The following ARHGEF3 variants were observed in gnomAD, a reference collection of about 807,000 sequenced individuals.
ARHGEF3 encodes the protein Rho guanine nucleotide exchange factor 3, also known as 59.8 kDA protein.
A neutral mutation model predicts 63.2 loss-of-function variants in ARHGEF3; 28 were observed. The observed-to-expected ratio is 0.44, with a 90% CI of 0.33 to 0.61. The LOEUF (loss-of-function observed/expected upper bound fraction) is 0.61, where lower values mean the gene tolerates loss of function less well. ARHGEF3 is among the 20% of genes least tolerant of loss of function. The pLI is 0.03. For synonymous variants in ARHGEF3, 266 were observed against 254.2 expected, an observed-to-expected ratio of 1.05 and a Z score of -0.44; for missense variants, 533 against 659.3, an observed-to-expected ratio of 0.81 and a Z score of 2.10.
intron 1 of ARHGEF3, among the ~76,000 whole-genome samples, chr3:57,066,469 G>C (rs1313702939): frequency 6.6e-6 from 1 of 152,126 alleles, no homozygotes; most frequent in African/African-American, 2.4e-5. Context: ...CACCATGTTG[G>C]CTAGGCTGGT....
chr3:56,764,007 A>G (rs573660393), intron 2 of ARHGEF3, among the ~76,000 whole-genome samples: 1 of 152,346 alleles, frequency 6.6e-6, no homozygotes, highest in South Asian at 2.1e-4. Context: ...GAAATGGTGC[A>G]ATAAACATAA....
chr3:56,781,895 AGTGTCAG>A (rs1301345609), intron 1 of ARHGEF3, among the ~76,000 whole-genome samples: 1 of 152,170 alleles, frequency 6.6e-6, no homozygotes, highest in Admixed American at 6.5e-5. Context: ...CAAGAGAGTC[AGTGTCAG>A]GTGGAGCTGG....
intron 2 of ARHGEF3, among the ~76,000 whole-genome samples, chr3:57,009,424 C>T (rs1702594499): frequency 1.3e-5 from 2 of 152,190 alleles, no homozygotes; most frequent in African/African-American, 4.8e-5. Flanking sequence ...GCACAACCCG[C>T]CACCCCTTAT....
chr3:57,050,968 A>G (rs1470264502), intron 1 of ARHGEF3, among the ~76,000 whole-genome samples: 1 of 152,238 alleles, frequency 6.6e-6, no homozygotes, highest in Non-Finnish European at 1.5e-5. Context: ...GAATTATGGC[A>G]GACAAGTCCA....
At chr3:57,042,681 TATATATATATATATATATA>T (rs1442072633) in intron 1 of ARHGEF3, among the ~76,000 whole-genome samples, 747 of 35,680 alleles carry the variant, frequency 0.021, 41 homozygotes, top group South Asian at 0.028. Context: ...TATATATATA[TATATATATATATATATATA>T]TTTTTTTTTT....
At position 56,867,104 on chromosome 3, in the gene ARHGEF3, T is replaced by G. The variant is rs535346007; in HGVS notation, c.192+15188A>C. ...TTTTCCTTTTGTTGTACTGGTTTTC[T>G]TTAAAAATGAGGGAAGGCAAATATG... On this transcript the variant is annotated intron_variant, in intron 4 of 12. Coordinates refer to the ARHGEF3 transcript ENST00000338458. 3.3e-5 allele frequency among the ~76,000 whole-genome samples: 5 copies of G among 152,366 alleles called. No individual in the cohort carries two copies. In the East Asian group the frequency reaches 9.6e-4, roughly 29 times the overall value.
At chr3:56,942,336 T>C (rs1699229411) in intron 3 of ARHGEF3, among the ~76,000 whole-genome samples, 1 of 152,220 alleles carries the variant, frequency 6.6e-6, no homozygotes, top group African/African-American at 2.4e-5. Context: ...CACTCAAAAT[T>C]CAATAGTTCA....
chr3:56,937,568 G>T (rs2108410307), intron 3 of ARHGEF3, among the ~76,000 whole-genome samples: 1 of 152,288 alleles, frequency 6.6e-6, no homozygotes, highest in Admixed American at 6.5e-5. Flanking sequence ...TAAGAATCAT[G>T]GAAACCATGT....
chr3:57,045,009 G>A (rs1212037530), intron 1 of ARHGEF3, among the ~76,000 whole-genome samples: 1 of 152,226 alleles, frequency 6.6e-6, no homozygotes, highest in Admixed American at 6.5e-5. Context: ...GCTCACACCT[G>A]TAATCCGAGC....
intron 2 of ARHGEF3, among the ~76,000 whole-genome samples, chr3:57,031,765 GGAA>G (rs35868753): frequency 0.26 from 38,954 of 151,892 alleles, 5,407 homozygotes; most frequent in Middle Eastern, 0.33. Context: ...AGGCAGTTTT[GGAA>G]GAAGAAAGGA....
intron 4 of ARHGEF3, among the ~76,000 whole-genome samples, chr3:56,848,808 C>T (rs975342257): frequency 6.6e-6 from 1 of 152,178 alleles, no homozygotes; most frequent in African/African-American, 2.4e-5. Flanking sequence ...GCTGGGATTA[C>T]AGGTGCCCAC....
chr3:56,830,269 T>TATCC (rs2038885059), intron 4 of ARHGEF3, among the ~76,000 whole-genome samples: 1 of 152,050 alleles, frequency 6.6e-6, no homozygotes, highest in South Asian at 2.1e-4. Flanking sequence ...CTGGTGGGGA[T>TATCC]GGTTGGTGCT....
intron 2 of ARHGEF3, among the ~76,000 whole-genome samples, chr3:57,024,451 CA>C (rs200217901): frequency 6.6e-4 from 99 of 150,822 alleles, no homozygotes; most frequent in African/African-American, 2.2e-3. Context: ...TGTAATAAAA[CA>C]AAAAAAAATC....
chr3:56,809,055 C>G (rs748486113), intron 4 of ARHGEF3, among the ~76,000 whole-genome samples: 3 of 152,190 alleles, frequency 2.0e-5, no homozygotes, highest in Admixed American at 6.5e-5. Context: ...TGATTAGTAT[C>G]AAATATCAGC....
At chr3:56,903,123 C>T (rs1306100235) in intron 3 of ARHGEF3, among the ~76,000 whole-genome samples, 3 of 151,906 alleles carry the variant, frequency 2.0e-5, no homozygotes, top group Admixed American at 1.3e-4. Flanking sequence ...CCCAAGTTTC[C>T]TGGTGACAAA....
chr3:56,855,688 A>AG (rs1239860146), intron 4 of ARHGEF3, among the ~76,000 whole-genome samples: 1 of 151,954 alleles, frequency 6.6e-6, no homozygotes, highest in African/African-American at 2.4e-5. Context: ...CAAAAAAAAA[A>AG]AAAAAAGTAC....
chr3:57,013,511 C>G (rs1386352031), intron 2 of ARHGEF3, among the ~76,000 whole-genome samples: 1 of 152,134 alleles, frequency 6.6e-6, no homozygotes, highest in African/African-American at 2.4e-5. Flanking sequence ...ATGCACCAAT[C>G]AGCATTCTGT....
chr3:57,069,580 C>A (rs961133965), intron 1 of ARHGEF3, among the ~76,000 whole-genome samples: 1 of 152,148 alleles, frequency 6.6e-6, no homozygotes, highest in African/African-American at 2.4e-5. Context: ...AAAATAAAAT[C>A]ATGTATTTGT....
chr3:57,015,195 G>A (rs1403883792), intron 2 of ARHGEF3, among the ~76,000 whole-genome samples: 1 of 152,156 alleles, frequency 6.6e-6, no homozygotes, highest in East Asian at 1.9e-4. Flanking sequence ...GGCTACAACT[G>A]AGTTAAGTAG....
Sources: allele counts gnomAD v4.1 joint callset (sites outside exome capture counted in the v4.1 genomes callset), GRCh38; gene constraint gnomAD v4.1.1; transcripts MANE v1.5; gene names NCBI Gene and HGNC (gene_info 2026-07-23, HGNC 2026-07-21).